SLC2A13: variants seen among roughly 807,000 people sequenced by gnomAD.
The protein encoded by SLC2A13 is solute carrier family 2 member 13, also known as proton myo-inositol cotransporter.
A neutral mutation model predicts 64.4 loss-of-function variants in SLC2A13; 32 were observed. That is an observed-to-expected ratio of 0.50 (90% CI 0.37 to 0.67). SLC2A13 has a LOEUF of 0.67. SLC2A13 is among the 30% of genes least tolerant of loss of function. The pLI, the probability that SLC2A13 is intolerant of heterozygous loss-of-function variation, is 0.00. For synonymous variants in SLC2A13, 338 were observed against 327.1 expected (o/e 1.03, Z -0.36); for missense variants, 743 against 829.2 (o/e 0.90, Z 1.28).
intron 7 of SLC2A13, among the ~76,000 whole-genome samples, chr12:39,785,666 C>T (rs907036194): frequency 6.6e-6 from 1 of 152,146 alleles, no homozygotes; most frequent in African/African-American, 2.4e-5. Context: ...AAGCCACAGA[C>T]ACTCAACGCC....
At chr12:39,920,418 C>T (rs1382268194) in intron 4 of SLC2A13, among the ~76,000 whole-genome samples, 8 of 152,056 alleles carry the variant, frequency 5.3e-5, no homozygotes, top group Non-Finnish European at 2.9e-5. Flanking sequence ...CAAATTCAGA[C>T]TGAAGGGTTG....
intron 7 of SLC2A13, among the ~76,000 whole-genome samples, chr12:39,802,684 T>C (rs968673552): frequency 1.3e-5 from 2 of 152,200 alleles, no homozygotes; most frequent in Non-Finnish European, 1.5e-5. Flanking sequence ...TATATATGTC[T>C]ATGTATACAC....
chr12:39,947,853 G>C (rs1253832635), intron 4 of SLC2A13, among the ~76,000 whole-genome samples: 1 of 151,768 alleles, frequency 6.6e-6, no homozygotes, highest in East Asian at 1.9e-4. Flanking sequence ...GTAGAAACAG[G>C]GTTTCACTGT....
intron 6 of SLC2A13, among the ~76,000 whole-genome samples, chr12:39,831,860 T>C (rs1942859869): frequency 6.6e-6 from 1 of 152,154 alleles, no homozygotes; most frequent in Non-Finnish European, 1.5e-5. Flanking sequence ...CAGAAGCAGA[T>C]GTCAGCACCA....
rs1344685159 is a variant in SLC2A13 at position 39,896,405 on chromosome 12, CATAT to C, written c.1035-24448_1035-24445del. Among the ~76,000 whole-genome samples, 43 of 110,418 alleles carry C rather than the reference CATAT, an allele frequency of 3.9e-4. 1 individual carries two copies. The highest frequency in any genetic ancestry group is 1.3e-3 in the African/African-American group (37 of 28,996). The allele number at this position is 110,418 out of a possible 152,430, so 72.4% of individuals were successfully genotyped here. ...GTATGTATATGTGTATATATGTATACATATATGTATGTATATGTGTATATATGTA... is the reference window on the plus strand; with the variant it reads ...GTATGTATATGTGTATATATGTATACATGTATGTATATGTGTATATATGTA... On this transcript the variant is annotated intron_variant, in intron 4 of 9. Transcript: ENST00000280871.
chr12:40,004,796 T>C (rs527693334), intron 3 of SLC2A13, among the ~76,000 whole-genome samples: 14 of 152,242 alleles, frequency 9.2e-5, no homozygotes, highest in African/African-American at 2.9e-4. Flanking sequence ...TTTTAAGTCA[T>C]ATGTACTATA....
intron 4 of SLC2A13, among the ~76,000 whole-genome samples, chr12:39,923,993 C>T (rs1319965849): frequency 2.6e-5 from 4 of 151,974 alleles, no homozygotes; most frequent in Non-Finnish European, 5.9e-5. Context: ...TTCTTGAAGG[C>T]TTTTATACTT....
At chr12:40,094,707 G>T (rs987429891) in intron 1 of SLC2A13, among the ~76,000 whole-genome samples, 5 of 152,200 alleles carry the variant, frequency 3.3e-5, no homozygotes, top group Admixed American at 3.3e-4. Flanking sequence ...ACTGTTTTAT[G>T]TAAAATAAAG....
intron 3 of SLC2A13, among the ~76,000 whole-genome samples, chr12:40,019,066 G>A (rs1029235082): frequency 2.0e-5 from 3 of 152,296 alleles, no homozygotes; most frequent in Admixed American, 2.0e-4. Context: ...ATGGGGAAAG[G>A]ATGGAGAGGG....
intron 3 of SLC2A13, among the ~76,000 whole-genome samples, chr12:40,011,080 G>A (rs974148055): frequency 1.3e-5 from 2 of 152,124 alleles, no homozygotes; most frequent in African/African-American, 4.8e-5. Context: ...TACGATCCAG[G>A]CTACAGCCAG....
intron 3 of SLC2A13, among the ~76,000 whole-genome samples, chr12:40,007,922 A>C (rs1947453114): frequency 6.6e-6 from 1 of 152,218 alleles, no homozygotes; most frequent in Admixed American, 6.5e-5. Context: ...CGCCTTATCT[A>C]TATTACTTTT....
rs76554801 is a variant in SLC2A13, at chr12:40,092,903, G to C, written c.556+12350C>G. Reference sequence around the variant, plus strand: ...TTCAAACACGAAGATGCAAGTCTGTGAATCAGTAATCCCTCTTCCCACAAA... The same window carrying C: ...TTCAAACACGAAGATGCAAGTCTGTCAATCAGTAATCCCTCTTCCCACAAA... On this transcript the variant is annotated intron_variant, in intron 1 of 9. Transcript: ENST00000280871. 3.5e-3 allele frequency among the ~76,000 whole-genome samples: 532 copies of C among 152,294 alleles called. 2 individuals are homozygous for C. Among genetic ancestry groups the C allele is most frequent in the African/African-American group, 0.012 (507 of 41,562 alleles).
chr12:40,058,435 G>C (rs559279566), intron 1 of SLC2A13, among the ~76,000 whole-genome samples: 1 of 152,146 alleles, frequency 6.6e-6, no homozygotes, highest in Admixed American at 6.5e-5. Flanking sequence ...ATTAGAAATT[G>C]CATTCCTAAA....
chr12:40,105,446 C>T lies in SLC2A13; in HGVS notation c.363G>A (p.Glu121=), dbSNP rs777622458. The T allele has an allele frequency of 4.5e-6, 7 of 1,556,572 alleles. No homozygotes were observed. Among genetic ancestry groups the T allele is most frequent in the Non-Finnish European group, 6.1e-6 (7 of 1,150,940 alleles). ...CCCCCACCGTGCTGGACACCAGCAG[C>T]TCCTGCCACAGCGCGTCCAGACTGA... ...RQLSLDALWQ[E]LLVSSTVGAA... The change falls in exon 1 of 10, where the codon GAG becomes GAA. Residue 121 remains glutamate (E), a synonymous_variant. Coordinates refer to ENST00000280871, the MANE Select transcript of SLC2A13 (RefSeq NM_052885.4). The surrounding 1 kb of genome is among the most constrained non-coding windows in gnomAD (Gnocchi z 4.2).
chr12:40,089,366 G>A (rs1420381436), intron 1 of SLC2A13, among the ~76,000 whole-genome samples: 2 of 152,114 alleles, frequency 1.3e-5, no homozygotes, highest in Non-Finnish European at 2.9e-5. Context: ...AACTCTCATA[G>A]AAGTTACAAA....
At chr12:40,023,347 C>T (rs1947753795) in intron 3 of SLC2A13, among the ~76,000 whole-genome samples, 1 of 152,160 alleles carries the variant, frequency 6.6e-6, no homozygotes. Flanking sequence ...AGAAACTGTG[C>T]TTGAGGGGCT....
chr12:40,100,376 G>A (rs1487274597), intron 1 of SLC2A13, among the ~76,000 whole-genome samples: 4 of 152,176 alleles, frequency 2.6e-5, no homozygotes, highest in Non-Finnish European at 4.4e-5. Context: ...ATAATAAGCA[G>A]TAGAATAAAT....
chr12:39,854,234 A>G (rs1309753081), intron 6 of SLC2A13, among the ~76,000 whole-genome samples: 1 of 152,188 alleles, frequency 6.6e-6, no homozygotes, highest in Non-Finnish European at 1.5e-5. Context: ...TCTTATCTGT[A>G]AAATTGGATA....
chr12:40,052,160 T>C (rs1174264268), intron 1 of SLC2A13, among the ~76,000 whole-genome samples: 1 of 152,052 alleles, frequency 6.6e-6, no homozygotes, highest in Admixed American at 6.5e-5. Flanking sequence ...GAGTACAAGA[T>C]AATAAGGTCA....
Sources: gnomAD v4.1 joint callset for allele counts (sites outside exome capture counted in the v4.1 genomes callset) on GRCh38, gnomAD v4.1.1 for gene constraint, Gnocchi (gnomAD v3.1) non-coding constraint, MANE v1.5 for transcripts, NCBI Gene and HGNC (gene_info 2026-07-23, HGNC 2026-07-21) for gene names.